The following STXBP5L variants were observed in gnomAD, a reference collection of about 807,000 sequenced individuals.
STXBP5L encodes syntaxin-binding protein 5-like.
A neutral mutation model predicts 144.5 loss-of-function variants in STXBP5L; 65 were observed. That is an observed-to-expected ratio of 0.45 (90% CI 0.37 to 0.55). The LOEUF is 0.55. Among genes scored for constraint, STXBP5L ranks in the 20% least tolerant of loss-of-function variants. The probability of loss-of-function intolerance (pLI) is 0.00; values close to 1 mark genes in which losing one functional copy is unlikely to be tolerated. For missense variants in STXBP5L, 1,298 were observed against 1,405.5 expected, an observed-to-expected ratio of 0.92 and a Z score of 1.22; for synonymous variants, 505 against 469.6, an observed-to-expected ratio of 1.08 and a Z score of -0.97.
chr3:121,317,256 A>G (rs1381044916), intron 19 of STXBP5L, among the ~76,000 whole-genome samples: 1 of 152,206 alleles, frequency 6.6e-6, no homozygotes, highest in Admixed American at 6.5e-5. Context: ...TGCATTTGGT[A>G]TTCAGTGCTC....
intron 3 of STXBP5L, among the ~76,000 whole-genome samples, chr3:120,979,269 G>C (rs963228611): frequency 6.6e-6 from 1 of 152,190 alleles, no homozygotes; most frequent in African/African-American, 2.4e-5. Flanking sequence ...CCCTCCCCCA[G>C]CCTCACTGCC....
intron 5 of STXBP5L, among the ~76,000 whole-genome samples, chr3:121,092,097 G>T (rs546045766): frequency 2.0e-5 from 3 of 151,988 alleles, no homozygotes. Context: ...GATATGCAGC[G>T]TTATTTCTGA....
At position 121,257,204 on chromosome 3, in the gene STXBP5L, C is replaced by A. The variant is rs17249244; in HGVS notation, c.1703C>A (p.Thr568Asn). 1 of 1,611,440 alleles carries A rather than the reference C, an allele frequency of 6.2e-7. No homozygotes were observed. Among genetic ancestry groups the A allele is most frequent in the Non-Finnish European group, 8.5e-7 (1 of 1,177,934 alleles). ...CAGTATGATGTTGAAGATATTATTA[C>A]CCCTGAACCAGAAACAAGTCCTCCG... ...RLQYDVEDII[T>N]PEPETSPPFP... The change falls in exon 17 of 27, where the codon ACC becomes AAC. Residue 568 changes from threonine (T) to asparagine (N), a missense_variant. Physicochemically the swap from Thr to Asn is moderately conservative, Grantham distance 65. Coordinates refer to ENST00000471454, the MANE Select transcript of STXBP5L (RefSeq NM_001308330.2).
intron 2 of STXBP5L, among the ~76,000 whole-genome samples, chr3:120,935,018 T>A (rs1710186432): frequency 6.6e-6 from 1 of 152,014 alleles, no homozygotes; most frequent in African/African-American, 2.4e-5. Flanking sequence ...AGAGTTGAAT[T>A]AATATCTATC....
intron 3 of STXBP5L, among the ~76,000 whole-genome samples, chr3:120,986,317 C>A (rs1188625847): frequency 6.6e-6 from 1 of 151,740 alleles, no homozygotes; most frequent in Non-Finnish European, 1.5e-5. Context: ...TATGATCTGT[C>A]CTGAAAAATG....
chr3:121,148,598 T>C (rs1358043941), intron 7 of STXBP5L, among the ~76,000 whole-genome samples: 1 of 152,110 alleles, frequency 6.6e-6, no homozygotes, highest in East Asian at 1.9e-4. Flanking sequence ...ATTCCTTTAA[T>C]TTAACATTGT....
At chr3:121,166,863 G>A (rs74280560) in intron 9 of STXBP5L, among the ~76,000 whole-genome samples, 18,231 of 152,050 alleles carry the variant, frequency 0.12, 1,147 homozygotes, top group Non-Finnish European at 0.14. Flanking sequence ...TGAAATAATA[G>A]CATATAAAGA....
rs370421160 is a variant in STXBP5L at position 121,279,932 on chromosome 3, C to A, written c.2086C>A (p.Arg696=). The A allele has an allele frequency of 6.2e-7, 1 of 1,610,892 alleles. No homozygotes were observed. Among genetic ancestry groups the A allele is most frequent in the African/African-American group, 1.3e-5 (1 of 74,634 alleles). Residue 696 remains arginine (R), a synonymous_variant, in exon 19 of 27, where the codon CGA becomes AGA. Coordinates refer to ENST00000471454, the MANE Select transcript of STXBP5L (RefSeq NM_001308330.2). ...DLYQRQPRSP[R]KNKQFIAGLT... ...ATACCAGCGACAACCACGGTCTCCT[C>A]GAAAAAACAAACAGTTCATTGCAGG...
Position 121,422,158 on chromosome 3 carries a change from G to C in STXBP5L, c.*3061G>C, listed in dbSNP as rs2108763285. 1 of 152,238 alleles carries C rather than the reference G, an allele frequency of 6.6e-6. No individual in the cohort carries two copies. The allele number at this position is 152,238 out of a possible 1,614,324, so 9.4% of individuals were successfully genotyped here. On this transcript the variant is annotated 3_prime_UTR_variant, in exon 27 of 27. Coordinates refer to ENST00000471454, the MANE Select transcript of STXBP5L (RefSeq NM_001308330.2). ...CATCATCATCTTATCCTCATCTTTGGAAAATAAGTACTGTTGATCCATGTA... is the reference window on the plus strand; with the variant it reads ...CATCATCATCTTATCCTCATCTTTGCAAAATAAGTACTGTTGATCCATGTA...
intron 22 of STXBP5L, among the ~76,000 whole-genome samples, chr3:121,400,534 G>A (rs900819681): frequency 6.6e-6 from 1 of 152,172 alleles, no homozygotes; most frequent in African/African-American, 2.4e-5. Flanking sequence ...ATGGTTTGAG[G>A]TGGCAGGATG....
chr3:121,153,229 A>C (rs2045991334), intron 8 of STXBP5L, among the ~76,000 whole-genome samples: 1 of 152,166 alleles, frequency 6.6e-6, no homozygotes, highest in Admixed American at 6.6e-5. Flanking sequence ...CAGTTGTTCA[A>C]ATATTAATTC....
At chr3:120,977,151 A>T (rs946524825) in intron 3 of STXBP5L, among the ~76,000 whole-genome samples, 4 of 152,180 alleles carry the variant, frequency 2.6e-5, no homozygotes, top group African/African-American at 7.2e-5. Context: ...GGGGTGTTAA[A>T]GTCTCCCATT....
intron 20 of STXBP5L, among the ~76,000 whole-genome samples, chr3:121,330,599 G>T (rs550449946): frequency 1.3e-5 from 2 of 152,086 alleles, no homozygotes; most frequent in South Asian, 4.1e-4. Context: ...TACCTCCCCT[G>T]GGTAACTAAC....
chr3:120,931,375 T>TA (rs1345986031), intron 2 of STXBP5L, among the ~76,000 whole-genome samples: 4 of 152,164 alleles, frequency 2.6e-5, no homozygotes, highest in African/African-American at 9.6e-5. Context: ...ACAATATTCT[T>TA]ACAGTTATCA....
At chr3:121,043,940 C>A (rs567769227) in intron 4 of STXBP5L, among the ~76,000 whole-genome samples, 3 of 152,152 alleles carry the variant, frequency 2.0e-5, no homozygotes, top group African/African-American at 7.2e-5. Flanking sequence ...GAAATGAGAC[C>A]AGTATACTGT....
chr3:121,160,388 TTC>T (rs1485946501), intron 9 of STXBP5L, among the ~76,000 whole-genome samples: 3 of 151,974 alleles, frequency 2.0e-5, no homozygotes, highest in African/African-American at 7.2e-5. Context: ...ATCAAAAGTG[TTC>T]TGAGAAAAAA....
intron 5 of STXBP5L, among the ~76,000 whole-genome samples, chr3:121,091,331 T>G (rs1200247457): frequency 3.6e-5 from 5 of 139,040 alleles, no homozygotes; most frequent in East Asian, 4.1e-4. Context: ...ATTTCTAGTT[T>G]TAGAACCCTG....
intron 20 of STXBP5L, among the ~76,000 whole-genome samples, chr3:121,362,083 T>C (rs746315312): frequency 1.4e-4 from 21 of 152,214 alleles, no homozygotes; most frequent in Non-Finnish European, 1.5e-4. Flanking sequence ...TCTGGGAGAA[T>C]TATCTGGGTT....
In STXBP5L at chr3:121,086,360, T is replaced by C. The variant is rs568878301; in HGVS notation, c.471-28565T>C. ...GATATTATCATGTTTTGGTCAATGATGGACTACATATAAAAGAGGATAATG... is the reference window on the plus strand; with the variant it reads ...GATATTATCATGTTTTGGTCAATGACGGACTACATATAAAAGAGGATAATG... On this transcript the variant is annotated intron_variant, in intron 5 of 26. Transcript: ENST00000471454. Among the ~76,000 whole-genome samples the C allele has an allele frequency of 7.8e-4, 119 of 152,286 alleles. 1 individual carries two copies. The highest frequency in any genetic ancestry group is 1.5e-3 in the Non-Finnish European group (105 of 67,990).
Sources: allele counts gnomAD v4.1 joint callset (sites outside exome capture counted in the v4.1 genomes callset), GRCh38; gene constraint gnomAD v4.1.1; transcripts MANE v1.5; gene names NCBI Gene and HGNC (gene_info 2026-07-23, HGNC 2026-07-21).